MGAT5: variants seen among roughly 807,000 people sequenced by gnomAD.
MGAT5 encodes alpha-1,6-mannosylglycoprotein 6-beta-N-acetylglucosaminyltransferase.
Under a neutral mutation model 94.3 loss-of-function variants are expected in MGAT5, and 30 were observed. The observed-to-expected ratio is 0.32, with a 90% confidence interval of 0.24 to 0.43. The LOEUF is 0.43. MGAT5 is among the 20% of genes least tolerant of loss of function. The pLI is 1.00. For missense variants in MGAT5, 691 were observed against 905.5 expected (o/e 0.76, Z 3.04); for synonymous variants, 310 against 322.9 (o/e 0.96, Z 0.43).
rs984696270 is a variant in MGAT5, at chr2:134,203,984, C to T, written c.-142-50278C>T. On this transcript the variant is annotated intron_variant, in intron 1 of 16. Transcript: ENST00000409645. ...CTGAGTACTTACTACCTGGCACAAG[C>T]TAGGAGTTATCATACATGGGCAAAG... 8.5e-5 allele frequency among the ~76,000 whole-genome samples: 13 copies of T among 152,234 alleles called. No homozygotes were observed. The East Asian group carries it at 2.5e-3, about 29-fold the overall frequency.
At chr2:134,382,323 T>G (rs1456093813) in intron 10 of MGAT5, among the ~76,000 whole-genome samples, 1 of 152,220 alleles carries the variant, frequency 6.6e-6, no homozygotes, top group East Asian at 1.9e-4. Context: ...GACATTGTGA[T>G]AGAAGCTCCC....
At position 134,299,341 on chromosome 2, in the gene MGAT5, A is replaced by C. The variant is rs542423934; in HGVS notation, c.407-18188A>C. Among the ~76,000 whole-genome samples the C allele has an allele frequency of 2.6e-5, 4 of 152,298 alleles. No homozygotes were observed. In the South Asian group the frequency reaches 6.2e-4, roughly 24 times the overall value. On this transcript the variant is annotated intron_variant, in intron 2 of 15. Transcript: ENST00000281923. ...TTTTAGATTGTTCAGTATAGACTAA[A>C]AATTTTATAGGTGTTCACAGGCACC...
At chr2:134,427,743 C>G (rs970143440) in intron 13 of MGAT5, among the ~76,000 whole-genome samples, 1 of 152,202 alleles carries the variant, frequency 6.6e-6, no homozygotes, top group African/African-American at 2.4e-5. Context: ...CTTTGACCCT[C>G]TAGCCTCCCA....
chr2:134,320,782 G>C (rs1031309690), intron 4 of MGAT5, among the ~76,000 whole-genome samples: 1 of 152,236 alleles, frequency 6.6e-6, no homozygotes, highest in South Asian at 2.1e-4. Context: ...AGGGTGATGG[G>C]GATAGAGGCC....
chr2:134,431,418 A>G (rs1412300586), intron 14 of MGAT5, among the ~76,000 whole-genome samples: 1 of 152,160 alleles, frequency 6.6e-6, no homozygotes, highest in Non-Finnish European at 1.5e-5. Flanking sequence ...TGAACCCAGA[A>G]TGTTCCTCTG....
At chr2:134,136,590 A>G (rs1486186545) in intron 1 of MGAT5, among the ~76,000 whole-genome samples, 1 of 152,190 alleles carries the variant, frequency 6.6e-6, no homozygotes, top group Non-Finnish European at 1.5e-5. Flanking sequence ...AAATAAAATA[A>G]ATAAATAAAT....
intron 2 of MGAT5, among the ~76,000 whole-genome samples, chr2:134,274,912 A>C (rs1573675104): frequency 6.6e-6 from 1 of 152,264 alleles, no homozygotes; most frequent in Non-Finnish European, 1.5e-5. Context: ...GCTGTTCTTA[A>C]AAACAGCAAC....
chr2:134,201,966 C>T (rs1010007312), intron 1 of MGAT5, among the ~76,000 whole-genome samples: 16 of 151,840 alleles, frequency 1.1e-4, no homozygotes, highest in Admixed American at 6.6e-5. Context: ...AAATTATTTT[C>T]CCTTCTCTGA....
intron 11 of MGAT5, among the ~76,000 whole-genome samples, chr2:134,407,020 G>C (rs1683379419): frequency 6.6e-6 from 1 of 152,218 alleles, no homozygotes; most frequent in South Asian, 2.1e-4. Flanking sequence ...AAGGCATTTA[G>C]ATGATTGTAT....
At chr2:134,194,029 C>T (rs1016414129) in intron 1 of MGAT5, among the ~76,000 whole-genome samples, 4 of 152,154 alleles carry the variant, frequency 2.6e-5, no homozygotes, top group Admixed American at 6.5e-5. Flanking sequence ...AGGCATTTGC[C>T]GAAAACCTTG....
intron 1 of MGAT5, among the ~76,000 whole-genome samples, chr2:134,258,261 A>G (rs1024509432): frequency 2.6e-5 from 4 of 152,230 alleles, no homozygotes. Flanking sequence ...TATTTATTTC[A>G]TAAAACATCT....
intron 1 of MGAT5, among the ~76,000 whole-genome samples, chr2:134,137,580 A>T (rs1686467952): frequency 6.6e-6 from 1 of 152,230 alleles, no homozygotes; most frequent in South Asian, 2.1e-4. Flanking sequence ...GAAAATGCTG[A>T]ACATTTCCTT....
chr2:134,368,502 C>T (rs1035278929), intron 10 of MGAT5, among the ~76,000 whole-genome samples: 2 of 152,206 alleles, frequency 1.3e-5, no homozygotes, highest in African/African-American at 4.8e-5. Flanking sequence ...TTTAAAGCAT[C>T]CCCTGAAATG....
At chr2:134,179,158 G>A (rs925941576) in intron 1 of MGAT5, among the ~76,000 whole-genome samples, 9 of 152,102 alleles carry the variant, frequency 5.9e-5, no homozygotes, top group Admixed American at 1.3e-4. Context: ...GGTTAGTACC[G>A]TGTTTATCCT....
chr2:134,288,866 T>A (rs1309567256), intron 2 of MGAT5, among the ~76,000 whole-genome samples: 1 of 152,250 alleles, frequency 6.6e-6, no homozygotes, highest in African/African-American at 2.4e-5. Flanking sequence ...CTTCTGGAAA[T>A]ATCAGATGTA....
chr2:134,407,180 T>C (rs1450737532), intron 11 of MGAT5, among the ~76,000 whole-genome samples: 1 of 152,190 alleles, frequency 6.6e-6, no homozygotes, highest in East Asian at 1.9e-4. Context: ...TGCCTGTCTG[T>C]AATGTTGCCT....
At chr2:134,225,846 A>C (rs1275170458) in intron 1 of MGAT5, among the ~76,000 whole-genome samples, 1 of 152,218 alleles carries the variant, frequency 6.6e-6, no homozygotes, top group Non-Finnish European at 1.5e-5. Flanking sequence ...TCTTTATCCC[A>C]CTGCTGGGGT....
At chr2:134,246,465 T>C (rs540056248) in intron 1 of MGAT5, among the ~76,000 whole-genome samples, 4 of 152,222 alleles carry the variant, frequency 2.6e-5, no homozygotes, top group Non-Finnish European at 4.4e-5. Flanking sequence ...CTTCTCCTCC[T>C]CTGCTTCTCC....
chr2:134,450,953 G>A lies in MGAT5; in HGVS notation c.*2106G>A, dbSNP rs1413550611. The A allele has an allele frequency of 2.6e-5, 4 of 152,046 alleles. No homozygotes were observed. Among genetic ancestry groups the A allele is most frequent in the African/African-American group, 7.3e-5 (3 of 41,366 alleles). The allele number at this position is 152,046 out of a possible 1,614,324, so 9.4% of individuals were successfully genotyped here. A position where few individuals can be genotyped will look rare whatever the true frequency, so the allele number is the denominator to read the frequency against. On this transcript the variant is annotated 3_prime_UTR_variant, in exon 16 of 16. Transcript: ENST00000281923. ...AATGGGCCTCTTGGCTGTACCCTAG[G>A]GTGTGGGAATTTGCTAGAGTTCCCT...
Sources: gnomAD v4.1 joint callset for allele counts (sites outside exome capture counted in the v4.1 genomes callset) on GRCh38, gnomAD v4.1.1 for gene constraint, MANE v1.5 for transcripts, NCBI Gene and HGNC (gene_info 2026-07-23, HGNC 2026-07-21) for gene names.